The following MCMDC2 variants were observed in gnomAD, a reference collection of about 807,000 sequenced individuals.
MCMDC2 encodes the protein minichromosome maintenance domain-containing protein 2.
MCMDC2 carries 54 observed loss-of-function variants against 75.8 expected under a neutral mutation model. The ratio of observed to expected loss-of-function variants is 0.71; its 90% CI spans 0.57 to 0.89. The LOEUF is 0.89. MCMDC2 is among the 40% of genes least tolerant of loss of function. The pLI is 0.00. For synonymous variants in MCMDC2, 249 were observed against 274.6 expected (o/e 0.91, Z 0.92); for missense variants, 656 against 780.4 (o/e 0.84, Z 1.90).
downstream of MCMDC2, among the ~76,000 whole-genome samples, chr8:66,922,917 T>TA (rs1174565203): frequency 2.6e-5 from 4 of 152,206 alleles, no homozygotes; most frequent in Non-Finnish European, 5.9e-5. Flanking sequence ...GCTTTTTTGA[T>TA]AGTCAGTACT....
At chr8:66,902,251 C>T (rs1298774322) in intron 13 of MCMDC2, among the ~76,000 whole-genome samples, 1 of 150,910 alleles carries the variant, frequency 6.6e-6, no homozygotes, top group Non-Finnish European at 1.5e-5. Context: ...ACTAGCTGGG[C>T]CTGGTGGCAG....
chr8:66,878,552 T>G, intron 5 of MCMDC2, 22 bp from the exon 6 acceptor site: 1 of 1,560,216 alleles, frequency 6.4e-7, no homozygotes, highest in Non-Finnish European at 8.6e-7. Flanking sequence ...AGCAAATGTA[T>G]GTTACCACTG....
rs944422465 is a variant in MCMDC2, at chr8:66,874,456, A to G, written c.225A>G (p.Ser75=). 1.9e-6 allele frequency: 3 copies of G among 1,611,958 alleles called. No individual in the cohort carries two copies. The highest frequency in any genetic ancestry group is 2.5e-6 in the Non-Finnish European group (3 of 1,179,602). ...TAAAAGCTGCTGAAGTCTTTCAATC[A>G]GTAAGTCAAAAAAAGAAATAATTTT... ...QPLKAAEVFQ[S]VCFIAVKTLS... Residue 75 remains serine (S), a splice_region_variant and synonymous_variant, in exon 3 of 15, where the codon TCA becomes TCG. Coordinates refer to ENST00000422365, the MANE Select transcript of MCMDC2 (RefSeq NM_173518.5).
At chr8:66,913,994 A>T (rs1813212895) in intron 14 of MCMDC2, among the ~76,000 whole-genome samples, 1 of 149,012 alleles carries the variant, frequency 6.7e-6, no homozygotes, top group Non-Finnish European at 1.5e-5. Flanking sequence ...AAGTAAACAC[A>T]TGGTGGGGCA....
At chr8:66,923,202 A>T (rs189342103), downstream of MCMDC2, among the ~76,000 whole-genome samples, 602 of 152,292 alleles carry the variant, frequency 4.0e-3, 4 homozygotes, top group African/African-American at 0.014. Context: ...CTTCACCTAA[A>T]AACATTATAA....
At chr8:66,916,142 C>CTT (rs567570430) in intron 14 of MCMDC2, among the ~76,000 whole-genome samples, 3 of 146,306 alleles carry the variant, frequency 2.1e-5, no homozygotes, top group Non-Finnish European at 4.5e-5. Context: ...CAGGAAGGAA[C>CTT]TTTTTTTTTT....
chr8:66,892,494 A>G (rs1370229309), intron 10 of MCMDC2, among the ~76,000 whole-genome samples: 1 of 152,230 alleles, frequency 6.6e-6, no homozygotes, highest in Non-Finnish European at 1.5e-5. Context: ...ATGGCAGAAC[A>G]GCTTTCAGTG....
chr8:66,911,685 G>A (rs1171071998), intron 14 of MCMDC2, among the ~76,000 whole-genome samples: 2 of 149,020 alleles, frequency 1.3e-5, no homozygotes, highest in South Asian at 2.1e-4. Context: ...TTAGCTGGGT[G>A]TGGTGGCAGG....
intron 4 of MCMDC2, among the ~76,000 whole-genome samples, chr8:66,876,067 A>G (rs183856412): frequency 4.6e-5 from 7 of 152,354 alleles, no homozygotes; most frequent in African/African-American, 1.7e-4. Flanking sequence ...ACAATTGATT[A>G]GTGGGTTCCT....
In MCMDC2 at chr8:66,896,240, G is replaced by T; in HGVS notation, c.1350G>T (p.Met450Ile). Residue 450 changes from methionine to isoleucine, a missense_variant, in exon 11 of 15, where the codon ATG becomes ATT. Met to Ile is a conservative substitution (Grantham distance 10, BLOSUM62 1). Coordinates refer to ENST00000422365, the MANE Select transcript of MCMDC2 (RefSeq NM_173518.5). ...KKFGEDIDQQ[M>I]TFPVQCSFWS... is the part of the protein sequence containing the mutation. ...TTGGGGAGGATATTGATCAACAGAT[G>T]ACTTTTCCAGTTCAGTGCAGTTTTT... 1 of 1,612,506 alleles carries T rather than the reference G, an allele frequency of 6.2e-7. No homozygotes were observed. Among genetic ancestry groups the T allele is most frequent in the Non-Finnish European group, 8.5e-7 (1 of 1,179,756 alleles).
chr8:66,896,486 A>T, intron 11 of MCMDC2, 150 bp downstream of exon 11: 1 of 762,920 alleles, frequency 1.3e-6, no homozygotes, highest in Non-Finnish European at 2.0e-6. Context: ...AAAAATTGTA[A>T]TGTTTTTTAA....
At chr8:66,880,797 T>A in intron 7 of MCMDC2, 52 bp from the exon 8 acceptor site, 2 of 1,433,680 alleles carry the variant, frequency 1.4e-6, no homozygotes, top group Non-Finnish European at 1.8e-6. Context: ...TATGTTCATG[T>A]ACAAAGTTCA....
intron 12 of MCMDC2, among the ~76,000 whole-genome samples, chr8:66,898,624 C>CA (rs1405645692): frequency 0.038 from 2,186 of 58,234 alleles, 34 homozygotes; most frequent in African/African-American, 0.075. Flanking sequence ...AACTCCGTCT[C>CA]AAAAAAAAAA....
At chr8:66,918,858 T>G in intron 14 of MCMDC2, 145 bp from the exon 15 acceptor site, 1 of 635,686 alleles carries the variant, frequency 1.6e-6, no homozygotes, top group Non-Finnish European at 2.5e-6. Flanking sequence ...GAACTTAATT[T>G]TTTGACTTTT....
intron 14 of MCMDC2, among the ~76,000 whole-genome samples, chr8:66,907,109 A>G (rs912770341): frequency 9.2e-5 from 14 of 152,124 alleles, no homozygotes; most frequent in East Asian, 1.9e-4. Flanking sequence ...AGTGTGCAGA[A>G]CATGCAGGTT....
chr8:66,889,628 C>T (rs1250381219), intron 9 of MCMDC2, among the ~76,000 whole-genome samples: 1 of 151,926 alleles, frequency 6.6e-6, no homozygotes. Context: ...TGAAACCCGT[C>T]TCTCCAAAAA....
chr8:66,909,824 A>T (rs1247611467), intron 14 of MCMDC2, among the ~76,000 whole-genome samples: 1 of 152,232 alleles, frequency 6.6e-6, no homozygotes, highest in Non-Finnish European at 1.5e-5. Context: ...AATGTTAATC[A>T]CCAAGACAAT....
At chr8:66,897,432 AAAAG>A (rs898578960) in intron 12 of MCMDC2, among the ~76,000 whole-genome samples, 19 of 151,614 alleles carry the variant, frequency 1.3e-4, no homozygotes, top group African/African-American at 2.9e-4. Flanking sequence ...AAAAAAAGAA[AAAAG>A]AAAGAAATTA....
At chr8:66,881,100 G>C (rs1811537411) in intron 8 of MCMDC2, 126 bp downstream of exon 8, 1 of 707,876 alleles carries the variant, frequency 1.4e-6, no homozygotes. Context: ...GTTGTAAACA[G>C]GACAGTCAAG....
Sources: allele counts gnomAD v4.1 joint callset (sites outside exome capture counted in the v4.1 genomes callset), GRCh38; gene constraint gnomAD v4.1.1; transcripts MANE v1.5; gene names NCBI Gene and HGNC (gene_info 2026-07-23, HGNC 2026-07-21).